LRMDA: variants seen among roughly 807,000 people sequenced by gnomAD.
The protein encoded by LRMDA is leucine-rich melanocyte differentiation-associated protein.
LRMDA carries 18 observed loss-of-function variants against 29.8 expected under a neutral mutation model. The observed-to-expected ratio is 0.60, with a 90% CI of 0.42 to 0.90. LRMDA has a LOEUF of 0.90. Ranked by LOEUF, LRMDA falls within the 40% of genes least tolerant of loss-of-function variation. LRMDA has a pLI of 0.00. For missense variants in LRMDA, 273 were observed against 273.9 expected (o/e 1.00, Z 0.02); for synonymous variants, 125 against 109.4 (o/e 1.14, Z -0.89).
At chr10:76,431,026 AT>A (rs1334902575) in intron 6 of LRMDA, among the ~76,000 whole-genome samples, 2 of 152,208 alleles carry the variant, frequency 1.3e-5, no homozygotes, top group Non-Finnish European at 2.9e-5. Flanking sequence ...CATAATCCTT[AT>A]TCTATGCTGA....
At chr10:76,213,157 A>G (rs922265644) in intron 5 of LRMDA, among the ~76,000 whole-genome samples, 1 of 152,210 alleles carries the variant, frequency 6.6e-6, no homozygotes, top group Admixed American at 6.5e-5. Flanking sequence ...TAAAAACAAA[A>G]TAGATGATTT....
At chr10:75,745,913 T>C (rs1259536071) in intron 2 of LRMDA, among the ~76,000 whole-genome samples, 3 of 152,236 alleles carry the variant, frequency 2.0e-5, no homozygotes. Context: ...TATTTCATGA[T>C]TTGTTTGAGT....
intron 2 of LRMDA, among the ~76,000 whole-genome samples, chr10:75,669,708 A>G (rs1841867503): frequency 6.6e-6 from 1 of 152,212 alleles, no homozygotes; most frequent in Non-Finnish European, 1.5e-5. Flanking sequence ...TTAACCTTCA[A>G]AGACTAATAA....
intron 2 of LRMDA, among the ~76,000 whole-genome samples, chr10:75,487,628 G>A (rs1002068999): frequency 3.3e-5 from 5 of 152,084 alleles, no homozygotes; most frequent in African/African-American, 9.7e-5. Context: ...AGGACCCAGC[G>A]TTCTGGGCAG....
chr10:76,167,968 A>T (rs11001656), intron 5 of LRMDA, among the ~76,000 whole-genome samples: 24,678 of 151,850 alleles, frequency 0.16, 2,755 homozygotes, highest in East Asian at 0.52. Flanking sequence ...GAGGTCTTTC[A>T]CTTCCCTGGT....
At chr10:76,323,615 T>C (rs1007380544) in intron 5 of LRMDA, among the ~76,000 whole-genome samples, 1 of 152,176 alleles carries the variant, frequency 6.6e-6, no homozygotes, top group Non-Finnish European at 1.5e-5. Flanking sequence ...TTCTGAGTGA[T>C]AGCTGACCCC....
chr10:76,014,146 TTA>T lies in LRMDA; in HGVS notation c.132-21849_132-21848del, dbSNP rs1164189530. Among the ~76,000 whole-genome samples the T allele has an allele frequency of 2.3e-3, 169 of 72,996 alleles. 1 individual carries two copies. Among genetic ancestry groups the T allele is most frequent in the South Asian group, 0.012 (26 of 2,196 alleles). The allele number at this position is 72,996 out of a possible 152,430, so 47.9% of individuals were successfully genotyped here. On this transcript the variant is annotated intron_variant, in intron 2 of 6. Transcript: ENST00000611255. ...TATAATTATATATATATATATATAA[TTA>T]TATATATATATAATTATATATATAT...
chr10:76,410,867 AC>A (rs1841953870), intron 6 of LRMDA, among the ~76,000 whole-genome samples: 1 of 152,000 alleles, frequency 6.6e-6, no homozygotes, highest in Non-Finnish European at 1.5e-5. Flanking sequence ...AATTGCTTGA[AC>A]CCTGGAGGCA....
intron 2 of LRMDA, among the ~76,000 whole-genome samples, chr10:75,686,531 G>T (rs974344120): frequency 2.0e-5 from 3 of 152,126 alleles, no homozygotes; most frequent in African/African-American, 7.2e-5. Flanking sequence ...CCATTTATTC[G>T]AATGTGTAGT....
chr10:75,672,612 C>T (rs1304509905), intron 2 of LRMDA, among the ~76,000 whole-genome samples: 4 of 111,938 alleles, frequency 3.6e-5, no homozygotes, highest in Non-Finnish European at 7.1e-5. Flanking sequence ...TTTTAGACAG[C>T]GTCTCACTCT....
At chr10:75,848,103 A>G (rs1589227347) in intron 2 of LRMDA, among the ~76,000 whole-genome samples, 1 of 152,194 alleles carries the variant, frequency 6.6e-6, no homozygotes, top group Admixed American at 6.5e-5. Flanking sequence ...GGAAGGGACA[A>G]TTTCTCACTT....
At chr10:76,508,594 CTT>C (rs750333924) in intron 6 of LRMDA, among the ~76,000 whole-genome samples, 1 of 144,822 alleles carries the variant, frequency 6.9e-6, no homozygotes. Context: ...TGACTCTTGA[CTT>C]TTTTTTTTTA....
At chr10:76,084,899 A>G (rs1233830120) in intron 5 of LRMDA, among the ~76,000 whole-genome samples, 1 of 152,174 alleles carries the variant, frequency 6.6e-6, no homozygotes, top group Non-Finnish European at 1.5e-5. Flanking sequence ...GTCCTTGCTC[A>G]ATGTCATCTT....
intron 2 of LRMDA, among the ~76,000 whole-genome samples, chr10:75,476,252 T>A (rs77287579): frequency 0.011 from 1,649 of 152,274 alleles, 34 homozygotes; most frequent in African/African-American, 0.038. Flanking sequence ...GCTTGTGAAC[T>A]TGGGGCCCTA....
intron 2 of LRMDA, among the ~76,000 whole-genome samples, chr10:75,829,575 G>A (rs955183862): frequency 3.9e-5 from 6 of 152,058 alleles, no homozygotes; most frequent in African/African-American, 7.3e-5. Context: ...TTATTTTAAG[G>A]AATAAAATAT....
At chr10:75,911,012 T>A (rs1431419009) in intron 2 of LRMDA, among the ~76,000 whole-genome samples, 1 of 132,260 alleles carries the variant, frequency 7.6e-6, no homozygotes, top group Non-Finnish European at 1.5e-5. Flanking sequence ...TTAAACAGCA[T>A]TTTTTTTTTG....
chr10:76,196,884 G>A (rs2132227915), intron 5 of LRMDA, among the ~76,000 whole-genome samples: 1 of 152,318 alleles, frequency 6.6e-6, no homozygotes, highest in East Asian at 1.9e-4. Flanking sequence ...GCTACATCTT[G>A]CGTTGTCTTC....
chr10:75,689,473 G>T (rs867059922), intron 2 of LRMDA, among the ~76,000 whole-genome samples: 21 of 152,182 alleles, frequency 1.4e-4, no homozygotes, highest in African/African-American at 4.8e-4. Flanking sequence ...CATGTGAGTC[G>T]TAAGGGGATC....
intron 2 of LRMDA, among the ~76,000 whole-genome samples, chr10:75,919,485 G>A (rs964717501): frequency 6.6e-6 from 1 of 152,110 alleles, no homozygotes; most frequent in African/African-American, 2.4e-5. Flanking sequence ...AGCTGTGTGT[G>A]GCCAAACACA....
Sources: allele counts gnomAD v4.1 joint callset (sites outside exome capture counted in the v4.1 genomes callset), GRCh38; gene constraint gnomAD v4.1.1; transcripts MANE v1.5; gene names NCBI Gene and HGNC (gene_info 2026-07-23, HGNC 2026-07-21).